STK31: variants seen among roughly 807,000 people sequenced by gnomAD.
STK31 encodes the protein serine/threonine kinase 31.
STK31 carries 89 observed loss-of-function variants against 129.7 expected under a neutral mutation model. That is an observed-to-expected ratio of 0.69 (90% CI 0.58 to 0.82). STK31 has a LOEUF of 0.82. Ranked by LOEUF, STK31 falls within the 40% of genes least tolerant of loss-of-function variation. The probability of loss-of-function intolerance (pLI) is 0.00; values close to 1 mark genes in which losing one functional copy is unlikely to be tolerated. For synonymous variants in STK31, 448 were observed against 395.3 expected (o/e 1.13, Z -1.58); for missense variants, 1,187 against 1,176.4 (o/e 1.01, Z -0.13).
At chr7:23,815,062 A>G (rs981078913) in intron 22 of STK31, 82 bp from the exon 23 acceptor site, 78 of 964,090 alleles carry the variant, frequency 8.1e-5, no homozygotes, top group Non-Finnish European at 1.1e-4. Flanking sequence ...AGTCACCAGG[A>G]TCTGAAGTTC....
chr7:23,736,910 T>A lies in STK31; in HGVS notation c.849T>A (p.Ser283Arg). 1 of 1,600,996 alleles carries A rather than the reference T, an allele frequency of 6.2e-7. No homozygotes were observed. The highest frequency in any genetic ancestry group is 1.1e-5 in the South Asian group (1 of 88,386). Residue 283 changes from serine to arginine, a missense_variant, in exon 8 of 24, where the codon AGT (serine) becomes AGA (arginine). By Grantham distance (110) the Ser-to-Arg change is moderately radical (BLOSUM62 -1). Around this residue, in one of 5 missense-constraint regions of STK31, gnomAD observed 975 missense variants for 934.9 expected, o/e 1.04. Coordinates refer to ENST00000355870, the MANE Select transcript of STK31 (RefSeq NM_031414.5). Reference protein sequence around the residue: ...AGNLITFPKESLAVGDFNLGS... With the variant: ...AGNLITFPKERLAVGDFNLGS... ...AATGAATTTGTTTTTATAGGGAAAG[T>A]TTGGCTGTTGGTGACTTTAATTTAG...
intron 6 of STK31, among the ~76,000 whole-genome samples, chr7:23,733,393 CTTTT>C (rs36053082): frequency 6.4e-5 from 8 of 125,766 alleles, no homozygotes; most frequent in Non-Finnish European, 5.1e-5. Flanking sequence ...CTAAAAAATT[CTTTT>C]TTTTTTTTTT....
rs758683632 is a variant in STK31 at position 23,754,318 on chromosome 7, T to C, written c.1137T>C (p.His379=). 21 of 1,602,388 alleles carry C rather than the reference T, an allele frequency of 1.3e-5. No homozygotes were observed. The highest frequency in any genetic ancestry group is 7.1e-5 in the Admixed American group (4 of 56,158). The change falls in exon 10 of 24, where the codon CAT becomes CAC. Residue 379 remains histidine (H), a synonymous_variant. Coordinates refer to ENST00000355870, the MANE Select transcript of STK31 (RefSeq NM_031414.5). ...TTTTTGATGTTTTTAAAAATAGGCA[T>C]GTCGACATCAGTGTCCGTTTCGGAA... ...AKMEILKEMR[H]VDISVRFGKD... is the part of the protein sequence containing the mutation.
chr7:23,803,393 ATAGT>A (rs936955910), intron 22 of STK31, among the ~76,000 whole-genome samples: 173 of 152,346 alleles, frequency 1.1e-3, no homozygotes, highest in African/African-American at 3.8e-3. Flanking sequence ...TAAAAAAGTA[ATAGT>A]TTGATAGCAA....
chr7:23,810,226 A>G lies in STK31; in HGVS notation c.2761-4918A>G, dbSNP rs1414383668. ...GATATTACAGCCATTCTTGTGTTTC[A>G]ACATTAATGTTTGCATGGTATATCT... On this transcript the variant is annotated intron_variant, in intron 22 of 23. Coordinates refer to ENST00000355870, the MANE Select transcript of STK31 (RefSeq NM_031414.5). Among the ~76,000 whole-genome samples, 3 of 151,944 alleles carry G rather than the reference A, an allele frequency of 2.0e-5. No individual in the cohort carries two copies. The East Asian group carries it at 5.8e-4, about 29-fold the overall frequency.
At chr7:23,807,132 C>T (rs1792763257) in intron 22 of STK31, among the ~76,000 whole-genome samples, 1 of 151,794 alleles carries the variant, frequency 6.6e-6, no homozygotes, top group Non-Finnish European at 1.5e-5. Context: ...GTCTATTTAC[C>T]CATATTTTTA....
At chr7:23,787,056 G>C in intron 20 of STK31, 132 bp downstream of exon 20, 1 of 788,794 alleles carries the variant, frequency 1.3e-6, no homozygotes, top group Non-Finnish European at 2.0e-6. Flanking sequence ...GTCACCTCAA[G>C]CCTGTGATAG....
chr7:23,800,932 C>T (rs1792327809), intron 22 of STK31, among the ~76,000 whole-genome samples: 1 of 152,088 alleles, frequency 6.6e-6, no homozygotes, highest in African/African-American at 2.4e-5. Context: ...GTTGTATGTA[C>T]ATACCAAATT....
rs772047889 is a variant in STK31 at position 23,710,307 on chromosome 7, T to A, written c.22T>A (p.Ser8Thr). 4 of 1,613,270 alleles carry A rather than the reference T, an allele frequency of 2.5e-6. No homozygotes were observed. Among genetic ancestry groups the A allele is most frequent in the Non-Finnish European group, 2.5e-6 (3 of 1,179,922 alleles). MWVQGHS[S>T]RASATESVSF... ...CAGTATGTGGGTCCAGGGTCACTCT[T>A]CTAGAGCTTCCGCAACGGAAAGTGT... The change falls in exon 1 of 24, where the codon TCT becomes ACT. Residue 8 changes from serine to threonine, a missense_variant. This residue lies in a region of STK31 where 104 missense variants were observed against 98.3 expected (regional missense o/e 1.06). Transcript: ENST00000355870.
rs996274845 is a variant in STK31, at chr7:23,767,020, C to T, written c.1417-1975C>T. ...CTTCTGCCATTTAGCCAATCCATTGCATTTTGTATGTCAAAGATTATTTCT... is the reference window on the plus strand; with the variant it reads ...CTTCTGCCATTTAGCCAATCCATTGTATTTTGTATGTCAAAGATTATTTCT... On this transcript the variant is annotated intron_variant, in intron 11 of 23. Coordinates refer to ENST00000355870, the MANE Select transcript of STK31 (RefSeq NM_031414.5). Among the ~76,000 whole-genome samples, 354 of 152,176 alleles carry T rather than the reference C, an allele frequency of 2.3e-3. 2 individuals carry two copies. The highest frequency in any genetic ancestry group is 8.2e-3 in the African/African-American group (342 of 41,514).
chr7:23,790,730 A>C, intron 21 of STK31, 94 bp from the exon 22 acceptor site: 1 of 1,187,994 alleles, frequency 8.4e-7, no homozygotes, highest in Non-Finnish European at 1.1e-6. Flanking sequence ...ATTTAAAATG[A>C]ATTTGTTTTT....
chr7:23,777,942 A>G (rs569727851), intron 15 of STK31, among the ~76,000 whole-genome samples: 2 of 152,224 alleles, frequency 1.3e-5, no homozygotes, highest in Non-Finnish European at 2.9e-5. Flanking sequence ...GACGGTCTTT[A>G]CAATTTGGTA....
Position 23,795,591 on chromosome 7 carries a change from C to G in STK31, c.2760+4645C>G, listed in dbSNP as rs564857545. Among the ~76,000 whole-genome samples, 4 of 152,330 alleles carry G rather than the reference C, an allele frequency of 2.6e-5. No individual in the cohort carries two copies. The South Asian group carries it at 8.3e-4, about 32-fold the overall frequency. On this transcript the variant is annotated intron_variant, in intron 22 of 23. Coordinates refer to ENST00000355870, the MANE Select transcript of STK31 (RefSeq NM_031414.5). ...GACCCCAGAATGGTAGATCCACTGA[C>G]AGATCACACTGTGTGCCTGGAGAGG...
intron 8 of STK31, among the ~76,000 whole-genome samples, chr7:23,748,769 A>ATGTAT (rs1788508105): frequency 6.6e-6 from 1 of 152,220 alleles, no homozygotes; most frequent in South Asian, 2.1e-4. Flanking sequence ...CATATAACAT[A>ATGTAT]CAGAATACTT....
In STK31 at chr7:23,808,943, T is replaced by TTATGTGTGTGTGTGTGTGTGTGTGTGTG. The variant is rs71552258; in HGVS notation, c.2761-6200_2761-6199insATGTGTGTGTGTGTGTGTGTGTGTGTGT. 7.7e-3 allele frequency among the ~76,000 whole-genome samples: 648 copies of TTATGTGTGTGTGTGTGTGTGTGTGTGTG among 84,498 alleles called. 11 individuals carry two copies. Among genetic ancestry groups the TTATGTGTGTGTGTGTGTGTGTGTGTGTG allele is most frequent in the East Asian group, 0.027 (80 of 2,984 alleles). 55.4% of individuals were successfully genotyped at this position (84,498 alleles called of 152,430 possible). ...AGGAAGCAGGCTTTTCTTGGAGCTT[T>TTATGTGTGTGTGTGTGTGTGTGTGTGTG]TGTGTGTGTGTGTGTGTGTGTGTGT... On this transcript the variant is annotated intron_variant, in intron 22 of 23. Transcript: ENST00000355870.
Position 23,717,435 on chromosome 7 carries a change from T to TA in STK31, c.151-42dup, listed in dbSNP as rs767273579. On this transcript the variant is annotated intron_variant, in intron 3 of 23. Transcript: ENST00000355870. The stretch of plus-strand genomic sequence containing the variant: ...TAGAACCCTCAAGCGTGTAACACTG[T>TA]AAAATAATATTTTACTGTATCTTAT... The TA allele has an allele frequency of 1.2e-4, 172 of 1,397,828 alleles. No individual in the cohort carries two copies. The African/African-American group carries it at 2.3e-3, about 18-fold the overall frequency. The allele number at this position is 1,397,828 out of a possible 1,614,324, so 86.6% of individuals were successfully genotyped here.
chr7:23,745,104 C>G (rs1019757770), intron 8 of STK31, among the ~76,000 whole-genome samples: 3 of 152,182 alleles, frequency 2.0e-5, no homozygotes, highest in African/African-American at 7.2e-5. Flanking sequence ...GTGGGTCAGT[C>G]AGGCCCACAG....
chr7:23,821,994 G>C (rs1026739285), intron 23 of STK31, among the ~76,000 whole-genome samples: 3 of 151,990 alleles, frequency 2.0e-5, no homozygotes, highest in African/African-American at 7.2e-5. Flanking sequence ...TATTCTATAG[G>C]TGCATATATC....
rs1161330148 is a variant in STK31, at chr7:23,830,593, TG to T, written c.2830-1542del. 5.7e-4 allele frequency among the ~76,000 whole-genome samples: 5 copies of T among 8,710 alleles called. No homozygotes were observed. In the African/African-American group the frequency reaches 8.5e-3, roughly 15 times the overall value. The allele number at this position is 8,710 out of a possible 152,430, so 5.7% of individuals were successfully genotyped here. On this transcript the variant is annotated intron_variant, in intron 23 of 23. Coordinates refer to ENST00000355870, the MANE Select transcript of STK31 (RefSeq NM_031414.5). ...GCAGCACGTTGTTTAATTTCCATGT[TG>T]TGTGTGTGTGTGTGTGTGTGTGTGT...
Sources: gnomAD v4.1 joint callset for allele counts (sites outside exome capture counted in the v4.1 genomes callset) on GRCh38, gnomAD v4.1.1 for gene constraint, gnomAD v4.1.1 regional missense constraint, MANE v1.5 for transcripts, NCBI Gene and HGNC (gene_info 2026-07-23, HGNC 2026-07-21) for gene names.